XIRP2: variants seen among roughly 807,000 people sequenced by gnomAD.
XIRP2 encodes the protein xin actin-binding repeat-containing protein 2.
In XIRP2, 236 loss-of-function variants were observed where a neutral mutation model predicts 277.0. The ratio of observed to expected loss-of-function variants is 0.85; its 90% CI spans 0.77 to 0.95. The LOEUF is 0.95. XIRP2 is among the 40% of genes least tolerant of loss of function. The pLI is 0.00. For missense variants in XIRP2, 4,640 were observed against 4,157.5 expected, an observed-to-expected ratio of 1.12 and a Z score of -3.19; for synonymous variants, 1,490 against 1,416.5, an observed-to-expected ratio of 1.05 and a Z score of -1.17.
At chr2:166,924,806 T>C (rs1685142020) in intron 2 of XIRP2, among the ~76,000 whole-genome samples, 1 of 152,030 alleles carries the variant, frequency 6.6e-6, no homozygotes, top group African/African-American at 2.4e-5. Flanking sequence ...TTAAGAGTAA[T>C]GGGAGAATAA....
At chr2:166,911,165 C>G (rs1292414800) in intron 2 of XIRP2, among the ~76,000 whole-genome samples, 1 of 152,134 alleles carries the variant, frequency 6.6e-6, no homozygotes, top group African/African-American at 2.4e-5. Context: ...TCCTGGATAT[C>G]TTTGTTAACT....
intron 3 of XIRP2, among the ~76,000 whole-genome samples, chr2:167,150,281 G>A (rs1042818043): frequency 2.6e-5 from 4 of 151,950 alleles, no homozygotes; most frequent in Non-Finnish European, 5.9e-5. Context: ...TATAAAGAAA[G>A]AGACCCTCTC....
At chr2:166,936,222 G>A (rs953227301) in intron 2 of XIRP2, among the ~76,000 whole-genome samples, 1 of 152,060 alleles carries the variant, frequency 6.6e-6, no homozygotes, top group African/African-American at 2.4e-5. Context: ...TTTGAGAAGT[G>A]TCTGTTCATA....
intron 3 of XIRP2, among the ~76,000 whole-genome samples, chr2:167,201,249 AG>A (rs1693699613): frequency 1.0e-5 from 1 of 99,726 alleles, no homozygotes; most frequent in East Asian, 3.2e-4. Context: ...AAAGAAAGAA[AG>A]AAAGAAAGAA....
intron 2 of XIRP2, among the ~76,000 whole-genome samples, chr2:166,934,984 T>C (rs1461852775): frequency 1.3e-5 from 2 of 152,040 alleles, no homozygotes; most frequent in Non-Finnish European, 2.9e-5. Flanking sequence ...TGAGCTGAGA[T>C]TGTGCCAGTG....
chr2:167,008,869 T>G (rs1047695844), intron 2 of XIRP2, among the ~76,000 whole-genome samples: 2 of 151,516 alleles, frequency 1.3e-5, no homozygotes, highest in African/African-American at 4.8e-5. Flanking sequence ...TCAACAAAGA[T>G]GAGTATATTG....
intron 2 of XIRP2, among the ~76,000 whole-genome samples, chr2:167,113,827 G>A (rs947588303): frequency 5.3e-5 from 8 of 152,272 alleles, no homozygotes; most frequent in African/African-American, 1.9e-4. Flanking sequence ...TTATTAGGCA[G>A]TTCTGGTGCT....
chr2:167,067,193 C>T (rs1689322529), intron 2 of XIRP2, among the ~76,000 whole-genome samples: 1 of 151,950 alleles, frequency 6.6e-6, no homozygotes, highest in Non-Finnish European at 1.5e-5. Context: ...TTGACAGTAC[C>T]CAGTTACTTG....
intron 2 of XIRP2, among the ~76,000 whole-genome samples, chr2:167,106,626 C>T (rs1447920728): frequency 4.0e-5 from 6 of 151,560 alleles, no homozygotes; most frequent in African/African-American, 1.5e-4. Context: ...TAAAATTCCT[C>T]CCAATTACTT....
intron 2 of XIRP2, among the ~76,000 whole-genome samples, chr2:166,922,760 G>GA (rs1007537051): frequency 2.7e-4 from 35 of 131,288 alleles, no homozygotes; most frequent in African/African-American, 7.2e-4. Context: ...CATCTCAAAA[G>GA]AAAAAAAAAA....
intron 3 of XIRP2, among the ~76,000 whole-genome samples, chr2:167,136,864 G>A (rs1436893150): frequency 6.6e-6 from 1 of 152,192 alleles, no homozygotes; most frequent in Non-Finnish European, 1.5e-5. Flanking sequence ...TGTGAGCAAT[G>A]TGGAAAGTCT....
At chr2:167,164,871 A>G (rs1692475397) in intron 3 of XIRP2, among the ~76,000 whole-genome samples, 1 of 152,180 alleles carries the variant, frequency 6.6e-6, no homozygotes, top group Non-Finnish European at 1.5e-5. Flanking sequence ...GTCCGTAGAT[A>G]CTGTTTGTAA....
chr2:167,100,716 A>C (rs1204259847), intron 2 of XIRP2, among the ~76,000 whole-genome samples: 1 of 152,224 alleles, frequency 6.6e-6, no homozygotes, highest in Non-Finnish European at 1.5e-5. Context: ...GCTGGTTGAC[A>C]TGAAATCAAA....
At chr2:166,915,317 A>AAAAAAG (rs1684838337) in intron 2 of XIRP2, among the ~76,000 whole-genome samples, 1 of 151,022 alleles carries the variant, frequency 6.6e-6, no homozygotes, top group Non-Finnish European at 1.5e-5. Context: ...AAAAAAAAAA[A>AAAAAAG]AAAAAGAAAA....
intron 2 of XIRP2, among the ~76,000 whole-genome samples, chr2:167,061,605 T>C (rs1689175968): frequency 6.6e-6 from 1 of 151,940 alleles, no homozygotes; most frequent in African/African-American, 2.4e-5. Flanking sequence ...GTCTTTACAG[T>C]TCTCATCAAG....
chr2:167,113,292 T>C (rs748661603), intron 2 of XIRP2, among the ~76,000 whole-genome samples: 2 of 152,190 alleles, frequency 1.3e-5, no homozygotes, highest in Non-Finnish European at 2.9e-5. Context: ...AAATCTCTTA[T>C]AGGTCTCTAA....
intron 3 of XIRP2, among the ~76,000 whole-genome samples, chr2:167,148,452 A>G (rs1212163430): frequency 6.8e-6 from 1 of 146,034 alleles, no homozygotes; most frequent in East Asian, 2.1e-4. Context: ...AGAAAAAAGA[A>G]AGCAAGCAGG....
intron 5 of XIRP2, among the ~76,000 whole-genome samples, chr2:167,232,471 G>C (rs529997323): frequency 2.0e-5 from 3 of 151,760 alleles, no homozygotes; most frequent in Admixed American, 1.3e-4. Flanking sequence ...TGGGAGATTT[G>C]CTTCTTCTTT....
rs1695772714 is a variant in XIRP2 at position 167,259,265 on chromosome 2, A to G, written c.*1448A>G. 1.2e-6 allele frequency: 2 copies of G among 1,613,430 alleles called. No homozygotes were observed. The highest frequency in any genetic ancestry group is 1.7e-6 in the Non-Finnish European group (2 of 1,179,626). On this transcript the variant is annotated 3_prime_UTR_variant, in exon 11 of 11. Coordinates refer to ENST00000409195, the MANE Select transcript of XIRP2 (RefSeq NM_152381.6). ...TTTTGATGCTCTGAGCCATGAATGT[A>G]CAGCTAAGCCTTTGTTTCCCAGAGT...
Sources: allele counts gnomAD v4.1 joint callset (sites outside exome capture counted in the v4.1 genomes callset), GRCh38; gene constraint gnomAD v4.1.1; transcripts MANE v1.5; gene names NCBI Gene and HGNC (gene_info 2026-07-23, HGNC 2026-07-21).